RARB: variants seen among roughly 807,000 people sequenced by gnomAD.
RARB encodes the protein HBV-activated protein.
A neutral mutation model predicts 51.9 loss-of-function variants in RARB; 17 were observed. The ratio of observed to expected loss-of-function variants is 0.33; its 90% confidence interval spans 0.22 to 0.49. The LOEUF (loss-of-function observed/expected upper bound fraction) is 0.49. Ranked by LOEUF, RARB falls within the 20% of genes least tolerant of loss-of-function variation. The pLI is 0.99. For synonymous variants in RARB, 215 were observed against 195.4 expected, an observed-to-expected ratio of 1.10 and a Z score of -0.84; for missense variants, 369 against 550.8, an observed-to-expected ratio of 0.67 and a Z score of 3.30.
intron 3 of RARB, among the ~76,000 whole-genome samples, chr3:25,084,122 C>T (rs1192507928): frequency 6.6e-6 from 1 of 152,076 alleles, no homozygotes; most frequent in African/African-American, 2.4e-5. Context: ...GGACTTCTTC[C>T]CTATTTGGTA....
At chr3:25,330,297 C>A (rs1377642352) in intron 5 of RARB, among the ~76,000 whole-genome samples, 1 of 152,198 alleles carries the variant, frequency 6.6e-6, no homozygotes, top group Non-Finnish European at 1.5e-5. Context: ...GGAAGCCCAT[C>A]AGACTAACAG....
intron 5 of RARB, among the ~76,000 whole-genome samples, chr3:25,355,461 C>T (rs903787038): frequency 1.3e-5 from 2 of 152,036 alleles, no homozygotes; most frequent in Non-Finnish European, 2.9e-5. Flanking sequence ...CAGTCATAGC[C>T]CCTTAGCCTC....
chr3:25,349,300 G>A (rs375033999), intron 5 of RARB, among the ~76,000 whole-genome samples: 10 of 152,252 alleles, frequency 6.6e-5, no homozygotes, highest in Middle Eastern at 3.4e-3. Flanking sequence ...AGATTTGTCC[G>A]TCTGTTTGAA....
At chr3:25,171,485 TAAAAAAAAAAAAA>T (rs10559921) in intron 4 of RARB, among the ~76,000 whole-genome samples, 1 of 9,966 alleles carries the variant, frequency 1.0e-4, no homozygotes, top group African/African-American at 4.9e-4. Context: ...ATAAGCAGTT[TAAAAAAAAAAAAA>T]AAAAAAAAAA....
At chr3:25,161,339 G>A (rs1005717951) in intron 4 of RARB, among the ~76,000 whole-genome samples, 4 of 151,954 alleles carry the variant, frequency 2.6e-5, no homozygotes, top group East Asian at 1.9e-4. Context: ...GAGCTACCAC[G>A]CCTGGCTGAT....
intron 2 of RARB, among the ~76,000 whole-genome samples, chr3:24,906,088 G>A (rs1418058984): frequency 6.6e-6 from 1 of 152,148 alleles, no homozygotes; most frequent in South Asian, 2.1e-4. Flanking sequence ...TAGAACAAAG[G>A]AATCAAAGTC....
intron 5 of RARB, among the ~76,000 whole-genome samples, chr3:25,364,571 T>C (rs1706053251): frequency 6.6e-6 from 1 of 152,120 alleles, no homozygotes; most frequent in Non-Finnish European, 1.5e-5. Context: ...GAATGTGCAG[T>C]ATGGGTTAGA....
chr3:25,410,348 T>C (rs1707526242), intron 5 of RARB, among the ~76,000 whole-genome samples: 1 of 152,250 alleles, frequency 6.6e-6, no homozygotes, highest in Non-Finnish European at 1.5e-5. Context: ...TCTTTTAAGC[T>C]GGCAGCAGAA....
intron 4 of RARB, among the ~76,000 whole-genome samples, chr3:25,153,150 G>GTGTA (rs1700319170): frequency 1.3e-5 from 2 of 152,004 alleles, no homozygotes; most frequent in Admixed American, 6.6e-5. Context: ...GTGTGTGTGT[G>GTGTA]TGTGTGTGTG....
In RARB at chr3:25,528,638, C is replaced by G. The variant is rs373581456; in HGVS notation, c.448+27315C>G. Among the ~76,000 whole-genome samples, 131 of 152,164 alleles carry G rather than the reference C, an allele frequency of 8.6e-4. 3 individuals carry two copies. The South Asian group carries it at 0.026, about 30-fold the overall frequency. ...TGGGATCTCAAAGCAGTCTCCTTCC[C>G]CTTACCTCCTCCTGAGGGATGGAAG... On this transcript the variant is annotated intron_variant, in intron 3 of 7. Coordinates refer to ENST00000330688, the MANE Select transcript of RARB (RefSeq NM_000965.5).
At chr3:24,939,131 C>A (rs1695606197) in intron 2 of RARB, among the ~76,000 whole-genome samples, 1 of 152,050 alleles carries the variant, frequency 6.6e-6, no homozygotes, top group African/African-American at 2.4e-5. Flanking sequence ...TACAGGCGTG[C>A]ACCACGATAT....
intron 2 of RARB, among the ~76,000 whole-genome samples, chr3:25,022,071 T>G (rs1697650928): frequency 6.6e-6 from 1 of 152,124 alleles, no homozygotes; most frequent in Non-Finnish European, 1.5e-5. Flanking sequence ...CTAAGAGAGA[T>G]AAGTGCAACA....
intron 2 of RARB, among the ~76,000 whole-genome samples, chr3:24,878,432 C>A (rs901239755): frequency 1.3e-5 from 2 of 151,750 alleles, no homozygotes; most frequent in Non-Finnish European, 2.9e-5. Context: ...TGGCAAAAAC[C>A]TTGGTTGACT....
chr3:25,477,565 C>T (rs1696014241), intron 2 of RARB, among the ~76,000 whole-genome samples: 3 of 152,220 alleles, frequency 2.0e-5, no homozygotes, highest in African/African-American at 4.8e-5. Context: ...CAAGTACTTG[C>T]ATACTGCAGT....
chr3:25,206,616 C>A (rs1055243226), intron 5 of RARB, among the ~76,000 whole-genome samples: 2 of 152,096 alleles, frequency 1.3e-5, no homozygotes, highest in South Asian at 2.1e-4. Context: ...CTTGAGAAAC[C>A]CCTTAAAGAC....
intron 2 of RARB, among the ~76,000 whole-genome samples, chr3:25,052,919 C>A (rs1177205229): frequency 6.6e-6 from 1 of 151,866 alleles, no homozygotes; most frequent in Non-Finnish European, 1.5e-5. Flanking sequence ...TTGTGAGATG[C>A]TGAGAAAGAA....
chr3:25,333,167 A>G (rs1229210536), intron 5 of RARB, among the ~76,000 whole-genome samples: 1 of 152,134 alleles, frequency 6.6e-6, no homozygotes, highest in Non-Finnish European at 1.5e-5. Flanking sequence ...ACAGAATTGG[A>G]AAAAACTACT....
intron 5 of RARB, among the ~76,000 whole-genome samples, chr3:25,283,143 C>T (rs1703565602): frequency 6.6e-6 from 1 of 152,150 alleles, no homozygotes; most frequent in African/African-American, 2.4e-5. Flanking sequence ...CCTTGTTTTA[C>T]TCCAGATCAT....
chr3:25,046,306 C>T (rs1476281734), intron 2 of RARB, among the ~76,000 whole-genome samples: 1 of 152,096 alleles, frequency 6.6e-6, no homozygotes, highest in South Asian at 2.1e-4. Context: ...TAGTCAGTCT[C>T]CTAAGTTATT....
Sources: gnomAD v4.1 joint callset for allele counts (sites outside exome capture counted in the v4.1 genomes callset) on GRCh38, gnomAD v4.1.1 for gene constraint, MANE v1.5 for transcripts, NCBI Gene and HGNC (gene_info 2026-07-23, HGNC 2026-07-21) for gene names.